The following MTUS2 variants were observed in gnomAD, a reference collection of about 807,000 sequenced individuals.
MTUS2 encodes the protein microtubule associated scaffold protein 2, also known as microtubule-associated tumor suppressor candidate 2.
Under a neutral mutation model 114.1 loss-of-function variants are expected in MTUS2, and 40 were observed. The ratio of observed to expected loss-of-function variants is 0.35; its 90% CI spans 0.27 to 0.46. MTUS2 has a LOEUF of 0.46. Ranked by LOEUF, MTUS2 falls within the 20% of genes least tolerant of loss-of-function variation. The probability of loss-of-function intolerance (pLI) is 1.00; values close to 1 mark genes in which losing one functional copy is unlikely to be tolerated. For missense variants in MTUS2, 1,679 were observed against 1,705.4 expected, an observed-to-expected ratio of 0.98 and a Z score of 0.27; for synonymous variants, 688 against 672.0, an observed-to-expected ratio of 1.02 and a Z score of -0.37.
chr13:28,826,316 CTT>C (rs1408630971), intron 1 of MTUS2, among the ~76,000 whole-genome samples: 1 of 152,052 alleles, frequency 6.6e-6, no homozygotes, highest in Non-Finnish European at 1.5e-5. Context: ...ACTTTGGTCT[CTT>C]TATTTCTATT....
chr13:29,307,521 T>C (rs1899531323), intron 6 of MTUS2: 15 of 1,265,788 alleles, frequency 1.2e-5, no homozygotes, highest in Non-Finnish European at 1.7e-5. Context: ...TGACCTGCTG[T>C]CTTGAAAAAC....
intron 5 of MTUS2, among the ~76,000 whole-genome samples, chr13:29,253,637 G>A (rs542444739): frequency 6.6e-6 from 1 of 152,032 alleles, no homozygotes; most frequent in Non-Finnish European, 1.5e-5. Flanking sequence ...AATTCCTGGA[G>A]GGTTTGCATT....
At chr13:29,018,847 G>A (rs1886176436) in intron 2 of MTUS2, among the ~76,000 whole-genome samples, 1 of 148,934 alleles carries the variant, frequency 6.7e-6, no homozygotes, top group Non-Finnish European at 1.5e-5. Flanking sequence ...CAGAGATTGT[G>A]AGCTCAGGAG....
intron 2 of MTUS2, among the ~76,000 whole-genome samples, chr13:28,860,908 G>T (rs1566182369): frequency 1.3e-5 from 2 of 152,180 alleles, no homozygotes; most frequent in African/African-American, 4.8e-5. Flanking sequence ...ACAGAACCTC[G>T]CCAGTGTCAG....
chr13:28,821,327 A>G (rs1873885109), intron 1 of MTUS2, among the ~76,000 whole-genome samples: 1 of 152,214 alleles, frequency 6.6e-6, no homozygotes, highest in African/African-American at 2.4e-5. Context: ...TAAAGCATTA[A>G]AAAATTGGTT....
intron 10 of MTUS2, among the ~76,000 whole-genome samples, chr13:29,481,912 C>A (rs991499317): frequency 6.6e-6 from 1 of 152,052 alleles, no homozygotes; most frequent in African/African-American, 2.4e-5. Flanking sequence ...GAAACTGAAC[C>A]CCCGGTGTCG....
At chr13:29,123,137 C>G (rs1390691959) in intron 5 of MTUS2, among the ~76,000 whole-genome samples, 2 of 152,190 alleles carry the variant, frequency 1.3e-5, no homozygotes, top group Admixed American at 1.3e-4. Flanking sequence ...AATATTCTCT[C>G]AATACTTGAA....
intron 2 of MTUS2, among the ~76,000 whole-genome samples, chr13:28,902,089 G>A (rs1310322442): frequency 6.6e-6 from 1 of 152,026 alleles, no homozygotes; most frequent in African/African-American, 2.4e-5. Flanking sequence ...ATTTTTTGTG[G>A]AGAGATTATA....
At chr13:28,865,895 A>G (rs944826813) in intron 2 of MTUS2, among the ~76,000 whole-genome samples, 1 of 152,176 alleles carries the variant, frequency 6.6e-6, no homozygotes, top group Non-Finnish European at 1.5e-5. Context: ...GAGTGAGACA[A>G]ACTGTTCTCT....
chr13:29,485,253 A>T (rs74608526), intron 10 of MTUS2: 5 of 152,630 alleles, frequency 3.3e-5, no homozygotes, highest in African/African-American at 1.2e-4. Flanking sequence ...TCTGGTTCCA[A>T]GGTCCTCTCA....
intron 2 of MTUS2, among the ~76,000 whole-genome samples, chr13:28,882,396 T>A (rs2138143243): frequency 6.6e-6 from 1 of 152,250 alleles, no homozygotes; most frequent in Non-Finnish European, 1.5e-5. Flanking sequence ...GACAATGTCT[T>A]AGATATAACA....
chr13:28,847,586 G>T (rs1016595318), intron 2 of MTUS2, among the ~76,000 whole-genome samples: 2 of 152,178 alleles, frequency 1.3e-5, no homozygotes, highest in African/African-American at 4.8e-5. Flanking sequence ...AAATTGATAA[G>T]GAGTTGGCAG....
chr13:28,963,344 C>T (rs589090), intron 2 of MTUS2, among the ~76,000 whole-genome samples: 27,274 of 152,024 alleles, frequency 0.18, 2,900 homozygotes, highest in East Asian at 0.46. Flanking sequence ...GAGCGAGACT[C>T]CATCTCAAAA....
At chr13:29,381,649 G>A (rs150415907) in intron 8 of MTUS2, among the ~76,000 whole-genome samples, 55 of 152,264 alleles carry the variant, frequency 3.6e-4, no homozygotes, top group African/African-American at 1.2e-3. Flanking sequence ...CTGAAGCAAG[G>A]TCATTCCAAC....
chr13:29,340,460 A>G (rs1901335760), intron 7 of MTUS2, among the ~76,000 whole-genome samples: 1 of 152,210 alleles, frequency 6.6e-6, no homozygotes, highest in Non-Finnish European at 1.5e-5. Context: ...TGTGTGTTTC[A>G]TTCTTCTAGG....
At chr13:28,908,600 A>C (rs2137997949) in intron 2 of MTUS2, among the ~76,000 whole-genome samples, 1 of 151,574 alleles carries the variant, frequency 6.6e-6, no homozygotes, top group South Asian at 2.1e-4. Context: ...CGCAATAAAC[A>C]TACATGTGCA....
intron 14 of MTUS2, among the ~76,000 whole-genome samples, chr13:29,500,650 A>ATGC (rs1408266070): frequency 1.3e-5 from 2 of 152,172 alleles, no homozygotes; most frequent in African/African-American, 4.8e-5. Context: ...CTGGCCAAGG[A>ATGC]TGCTGCTGCA....
chr13:29,107,151 A>G lies in MTUS2; in HGVS notation c.2644+6181A>G, dbSNP rs549563656. Among the ~76,000 whole-genome samples the G allele has an allele frequency of 4.0e-5, 6 of 151,890 alleles. No individual in the cohort carries two copies. The South Asian group carries it at 6.2e-4, about 16-fold the overall frequency. ...TTTTACTTCCTCTAAAAATCCCTCAATGTGATTTTTTTGTTCCTGGAAACC... is the reference window on the plus strand; with the variant it reads ...TTTTACTTCCTCTAAAAATCCCTCAGTGTGATTTTTTTGTTCCTGGAAACC... On this transcript the variant is annotated intron_variant, in intron 5 of 15. Transcript: ENST00000612955.
intron 2 of MTUS2, among the ~76,000 whole-genome samples, chr13:28,963,829 C>G (rs146824360): frequency 5.3e-5 from 8 of 152,188 alleles, no homozygotes; most frequent in Non-Finnish European, 7.3e-5. Flanking sequence ...GTCATCTTAT[C>G]CTTTCACGAC....
Sources: gnomAD v4.1 joint callset for allele counts (sites outside exome capture counted in the v4.1 genomes callset) on GRCh38, gnomAD v4.1.1 for gene constraint, MANE v1.5 for transcripts, NCBI Gene and HGNC (gene_info 2026-07-23, HGNC 2026-07-21) for gene names.